GRID2: variants seen among roughly 807,000 people sequenced by gnomAD.
The protein encoded by GRID2 is glutamate ionotropic receptor delta type subunit 2, also known as glutamate receptor ionotropic, delta-2.
Under a neutral mutation model 114.8 loss-of-function variants are expected in GRID2, and 33 were observed. That is an observed-to-expected ratio of 0.29 (90% CI 0.22 to 0.38). The LOEUF is 0.38. Among genes scored for constraint, GRID2 ranks in the 10% least tolerant of loss-of-function variants. GRID2 has a pLI of 1.00. For missense variants in GRID2, 1,184 were observed against 1,257.7 expected, an observed-to-expected ratio of 0.94 and a Z score of 0.89; for synonymous variants, 505 against 449.9, an observed-to-expected ratio of 1.12 and a Z score of -1.55.
At chr4:92,825,292 G>C (rs1741611199) in intron 2 of GRID2, among the ~76,000 whole-genome samples, 1 of 152,044 alleles carries the variant, frequency 6.6e-6, no homozygotes, top group Non-Finnish European at 1.5e-5. Context: ...TTCCATTGGG[G>C]CTCGCAGTCT....
intron 8 of GRID2, among the ~76,000 whole-genome samples, chr4:93,280,314 T>C (rs1411118821): frequency 6.6e-6 from 1 of 151,982 alleles, no homozygotes; most frequent in East Asian, 1.9e-4. Flanking sequence ...ATGCAACACA[T>C]TTTATTTCTA....
chr4:93,395,419 A>G (rs1176142084), intron 8 of GRID2, among the ~76,000 whole-genome samples, 188 bp from the exon 9 acceptor site: 1 of 152,022 alleles, frequency 6.6e-6, no homozygotes, highest in Non-Finnish European at 1.5e-5. Flanking sequence ...TGTGCCATAT[A>G]ATGATATTTA....
At chr4:92,321,546 C>G (rs1726317125) in intron 1 of GRID2, among the ~76,000 whole-genome samples, 1 of 152,104 alleles carries the variant, frequency 6.6e-6, no homozygotes, top group South Asian at 2.1e-4. Context: ...ATTATTGGAA[C>G]TTAATTTGAC....
intron 1 of GRID2, among the ~76,000 whole-genome samples, chr4:92,414,387 A>G (rs1322226286): frequency 6.6e-6 from 1 of 152,224 alleles, no homozygotes; most frequent in African/African-American, 2.4e-5. Flanking sequence ...TAGACTGGCT[A>G]TGGAAACAAG....
chr4:92,639,444 T>C (rs1731237959), intron 2 of GRID2, among the ~76,000 whole-genome samples: 1 of 151,794 alleles, frequency 6.6e-6, no homozygotes, highest in Admixed American at 6.6e-5. Flanking sequence ...CATAGGGCAT[T>C]GAAAGAGCCT....
At chr4:92,485,699 A>G (rs1722852169) in intron 1 of GRID2, among the ~76,000 whole-genome samples, 1 of 151,972 alleles carries the variant, frequency 6.6e-6, no homozygotes, top group South Asian at 2.1e-4. Flanking sequence ...CAAAAAATAA[A>G]TAAAGAAAAA....
chr4:92,460,684 T>C (rs972190631), intron 1 of GRID2, among the ~76,000 whole-genome samples: 2 of 152,190 alleles, frequency 1.3e-5, no homozygotes, highest in African/African-American at 4.8e-5. Flanking sequence ...GTGATCTTCC[T>C]ATATTTTTGA....
chr4:93,758,227 T>G (rs1354101103), intron 14 of GRID2, among the ~76,000 whole-genome samples: 1 of 152,194 alleles, frequency 6.6e-6, no homozygotes, highest in Non-Finnish European at 1.5e-5. Context: ...AAAAATAGTT[T>G]AGACTTCCCA....
intron 1 of GRID2, among the ~76,000 whole-genome samples, chr4:92,494,031 A>G (rs1395670686): frequency 6.6e-6 from 1 of 152,100 alleles, no homozygotes; most frequent in Non-Finnish European, 1.5e-5. Flanking sequence ...TATTTTTTAC[A>G]TTTTTGTTGC....
At chr4:93,204,536 A>G (rs1266588441) in intron 4 of GRID2, among the ~76,000 whole-genome samples, 1 of 152,174 alleles carries the variant, frequency 6.6e-6, no homozygotes, top group African/African-American at 2.4e-5. Flanking sequence ...CTCCTTGCTG[A>G]CCCTAAGCAA....
intron 11 of GRID2, among the ~76,000 whole-genome samples, chr4:93,479,044 AG>A (rs1330552935): frequency 1.3e-5 from 2 of 152,094 alleles, no homozygotes; most frequent in Non-Finnish European, 2.9e-5. Flanking sequence ...TTGCAGGTTC[AG>A]TTTTTGCCAC....
intron 10 of GRID2, among the ~76,000 whole-genome samples, chr4:93,444,737 C>A (rs1412927460): frequency 6.6e-6 from 1 of 151,910 alleles, no homozygotes; most frequent in Non-Finnish European, 1.5e-5. Context: ...GCTCAAAATT[C>A]TGTGCAGTAT....
At chr4:92,328,189 GTC>G (rs2110138388) in intron 1 of GRID2, among the ~76,000 whole-genome samples, 1 of 152,070 alleles carries the variant, frequency 6.6e-6, no homozygotes, top group African/African-American at 2.4e-5. Flanking sequence ...TGTGGTCTAG[GTC>G]TCTGCTGGAA....
intron 11 of GRID2, among the ~76,000 whole-genome samples, chr4:93,467,584 G>A (rs769096508): frequency 3.9e-5 from 6 of 152,152 alleles, no homozygotes; most frequent in African/African-American, 7.2e-5. Flanking sequence ...TATATCAGCA[G>A]GGACTGTCTA....
rs1723838710 is a variant in GRID2 at position 92,504,284 on chromosome 4, G to C, written c.89-85847G>C. The stretch of plus-strand genomic sequence containing the variant: ...AATCACATGAGATGAGATTCTAAGA[G>C]AAAAGACATGAGAATGGGAGAAAAA... On this transcript the variant is annotated intron_variant, in intron 1 of 15. Coordinates refer to ENST00000282020, the MANE Select transcript of GRID2 (RefSeq NM_001510.4). Among the ~76,000 whole-genome samples the C allele has an allele frequency of 2.0e-5, 3 of 152,078 alleles. No homozygotes were observed. In the South Asian group the frequency reaches 6.2e-4, roughly 31 times the overall value.
intron 14 of GRID2, among the ~76,000 whole-genome samples, chr4:93,758,179 C>T (rs1031131984): frequency 6.6e-6 from 1 of 152,056 alleles, no homozygotes; most frequent in Non-Finnish European, 1.5e-5. Flanking sequence ...TGTAATAATG[C>T]TAAATACAAT....
chr4:93,691,445 T>C (rs1293928278), intron 14 of GRID2, among the ~76,000 whole-genome samples: 1 of 151,968 alleles, frequency 6.6e-6, no homozygotes, highest in Non-Finnish European at 1.5e-5. Flanking sequence ...CCAAGGAGAG[T>C]AGCAAGGTAT....
intron 2 of GRID2, among the ~76,000 whole-genome samples, chr4:92,943,722 G>C (rs1393827076): frequency 6.6e-6 from 1 of 152,034 alleles, no homozygotes; most frequent in Admixed American, 6.6e-5. Context: ...GTCTACTTTT[G>C]GTCTTTGATG....
At chr4:93,260,031 T>C (rs1179687171) in intron 8 of GRID2, among the ~76,000 whole-genome samples, 5 of 151,742 alleles carry the variant, frequency 3.3e-5, no homozygotes, top group African/African-American at 1.2e-4. Flanking sequence ...GTATTTTACG[T>C]AGGAGGTATG....
Sources: allele counts gnomAD v4.1 joint callset (sites outside exome capture counted in the v4.1 genomes callset), GRCh38; gene constraint gnomAD v4.1.1; transcripts MANE v1.5; gene names NCBI Gene and HGNC (gene_info 2026-07-23, HGNC 2026-07-21).